The following LMBR1 variants were observed in gnomAD, a reference collection of about 807,000 sequenced individuals.
LMBR1 encodes limb region 1 protein homolog.
LMBR1 carries 52 observed loss-of-function variants against 73.9 expected under a neutral mutation model. The observed-to-expected ratio is 0.70, with a 90% CI of 0.56 to 0.89. The LOEUF is 0.89. LMBR1 is among the 40% of genes least tolerant of loss of function. LMBR1 has a pLI of 0.00. For synonymous variants in LMBR1, 215 were observed against 209.4 expected (o/e 1.03, Z -0.23); for missense variants, 539 against 579.8 (o/e 0.93, Z 0.72).
At chr7:156,723,891 G>T (rs1287214553) in intron 15 of LMBR1, among the ~76,000 whole-genome samples, 1 of 152,082 alleles carries the variant, frequency 6.6e-6, no homozygotes, top group African/African-American at 2.4e-5. Flanking sequence ...TTTGGAGAAA[G>T]AATGCTTTTA....
Position 156,826,039 on chromosome 7 carries a change from G to A in LMBR1, c.319+566C>T, listed in dbSNP as rs571090696. ...TTCTTGCCCAGGCCAGAGGGCAATG[G>A]TGCGATCACGGCTCACTGCAATCTC... On this transcript the variant is annotated intron_variant, in intron 4 of 16. Transcript: ENST00000353442. Among the ~76,000 whole-genome samples the A allele has an allele frequency of 2.0e-5, 3 of 152,326 alleles. 1 individual carries two copies. Among genetic ancestry groups the A allele is most frequent in the African/African-American group, 7.2e-5 (3 of 41,564 alleles).
intron 15 of LMBR1, among the ~76,000 whole-genome samples, chr7:156,708,076 A>G (rs986294082): frequency 2.0e-5 from 3 of 152,128 alleles, no homozygotes; most frequent in Non-Finnish European, 4.4e-5. Context: ...AAGGAAATCA[A>G]GAAGGCAATC....
Position 156,679,730 on chromosome 7 carries a change from T to G in LMBR1, c.*4348A>C, listed in dbSNP as rs558606258. 2 of 152,342 alleles carry G rather than the reference T, an allele frequency of 1.3e-5. No homozygotes were observed. Among genetic ancestry groups the G allele is most frequent in the Non-Finnish European group, 2.9e-5 (2 of 68,062 alleles). The allele number at this position is 152,342 out of a possible 1,614,324, so 9.4% of individuals were successfully genotyped here. ...AACAGATTCTTCTACATCACTCTAG[T>G]CCTCCACAACCACTCACATCAGGGC... On this transcript the variant is annotated 3_prime_UTR_variant, in exon 17 of 17. Transcript: ENST00000353442.
intron 14 of LMBR1, among the ~76,000 whole-genome samples, chr7:156,724,598 G>A (rs1024689249): frequency 4.6e-5 from 7 of 152,032 alleles, no homozygotes; most frequent in Non-Finnish European, 8.8e-5. Context: ...TTAATTGTAA[G>A]ATTTAAAAAG....
chr7:156,700,014 A>G (rs1171998132), intron 15 of LMBR1, among the ~76,000 whole-genome samples: 1 of 152,172 alleles, frequency 6.6e-6, no homozygotes, highest in African/African-American at 2.4e-5. Flanking sequence ...AACTAGAAAT[A>G]CCATTTGACC....
intron 2 of LMBR1, among the ~76,000 whole-genome samples, chr7:156,834,294 A>G (rs1837218231): frequency 6.6e-6 from 1 of 152,186 alleles, no homozygotes; most frequent in African/African-American, 2.4e-5. Context: ...TCAGTAACTC[A>G]TAATTATTGT....
intron 1 of LMBR1, among the ~76,000 whole-genome samples, chr7:156,887,869 C>G (rs1036276194): frequency 7.2e-5 from 11 of 152,148 alleles, no homozygotes; most frequent in Admixed American, 3.9e-4. Context: ...ACAGATATTT[C>G]TCCAAAGAAG....
intron 10 of LMBR1, among the ~76,000 whole-genome samples, chr7:156,730,041 T>C (rs139450616): frequency 3.3e-4 from 50 of 152,334 alleles, no homozygotes; most frequent in African/African-American, 1.2e-3. Context: ...ATAAATGGCA[T>C]GGACCCAAGA....
chr7:156,753,863 C>T (rs1354314754), intron 9 of LMBR1, among the ~76,000 whole-genome samples: 1 of 152,118 alleles, frequency 6.6e-6, no homozygotes, highest in East Asian at 1.9e-4. Context: ...ACGACAGGTG[C>T]TCTGGGGCTC....
chr7:156,697,438 T>C (rs1808547942), intron 15 of LMBR1, among the ~76,000 whole-genome samples: 1 of 152,186 alleles, frequency 6.6e-6, no homozygotes, highest in African/African-American at 2.4e-5. Context: ...TTCCCCACCC[T>C]AGTTAAGCCT....
At chr7:156,852,505 C>T (rs1002924379) in intron 1 of LMBR1, among the ~76,000 whole-genome samples, 3 of 152,130 alleles carry the variant, frequency 2.0e-5, no homozygotes, top group Non-Finnish European at 2.9e-5. Flanking sequence ...GCTTCTACAC[C>T]CCTGACACAA....
chr7:156,833,841 G>A (rs201748092), intron 2 of LMBR1, 49 bp from the exon 3 acceptor site: 13 of 1,176,096 alleles, frequency 1.1e-5, no homozygotes, highest in Admixed American at 2.2e-5. Context: ...CTAACAAAAT[G>A]CGTCATTAAT....
At chr7:156,726,109 C>T (rs988363599) in intron 12 of LMBR1, 6 of 319,918 alleles carry the variant, frequency 1.9e-5, no homozygotes, top group African/African-American at 1.1e-4. Context: ...ATTATGCTTA[C>T]TGTTATAAAA....
chr7:156,765,403 G>A (rs920693064), intron 5 of LMBR1, among the ~76,000 whole-genome samples: 1 of 152,142 alleles, frequency 6.6e-6, no homozygotes, highest in African/African-American at 2.4e-5. Context: ...CTGTGAAGAG[G>A]TGCCTTCTGC....
chr7:156,707,877 G>A (rs376199299), intron 15 of LMBR1, among the ~76,000 whole-genome samples: 1 of 152,044 alleles, frequency 6.6e-6, no homozygotes, highest in African/African-American at 2.4e-5. Context: ...ACCCAAATTG[G>A]TAAAGAGGAG....
intron 9 of LMBR1, among the ~76,000 whole-genome samples, chr7:156,747,720 T>C (rs1820102454): frequency 6.6e-6 from 1 of 152,188 alleles, no homozygotes; most frequent in Non-Finnish European, 1.5e-5. Context: ...TAGAAAATAT[T>C]ATCCAAGAAG....
At chr7:156,777,108 T>C (rs778340792) in intron 5 of LMBR1, among the ~76,000 whole-genome samples, 12 of 152,154 alleles carry the variant, frequency 7.9e-5, no homozygotes, top group Non-Finnish European at 1.3e-4. Context: ...ATATTATCTC[T>C]GTATTTTTAG....
rs371134810 is a variant in LMBR1 at position 156,839,777 on chromosome 7, G to T, written c.67-2892C>A. 9.9e-5 allele frequency among the ~76,000 whole-genome samples: 15 copies of T among 152,244 alleles called. No individual in the cohort carries two copies. In the South Asian group the frequency reaches 2.9e-3, roughly 29 times the overall value. ...CTGACAGCAACCAAAAGGACCAAAG[G>T]GCATCAAAGATTCCCTGCCACTGGA... On this transcript the variant is annotated intron_variant, in intron 1 of 16. Transcript: ENST00000353442.
intron 5 of LMBR1, among the ~76,000 whole-genome samples, chr7:156,791,167 C>T (rs1422904954): frequency 6.6e-6 from 1 of 152,080 alleles, no homozygotes. Context: ...CAAAACATGA[C>T]CCAAGTTAAA....
Sources: gnomAD v4.1 joint callset for allele counts (sites outside exome capture counted in the v4.1 genomes callset) on GRCh38, gnomAD v4.1.1 for gene constraint, MANE v1.5 for transcripts, NCBI Gene and HGNC (gene_info 2026-07-23, HGNC 2026-07-21) for gene names.